Variants in FNIP2 observed in about 807,000 individuals in gnomAD.
FNIP2 encodes folliculin-interacting protein 2.
Under a neutral mutation model 108.7 loss-of-function variants are expected in FNIP2, and 32 were observed. The observed-to-expected ratio is 0.29, with a 90% confidence interval of 0.22 to 0.40. FNIP2 has a LOEUF of 0.40. FNIP2 is among the 10% of genes least tolerant of loss of function. The probability of loss-of-function intolerance (pLI) is 1.00; values close to 1 mark genes in which losing one functional copy is unlikely to be tolerated. For synonymous variants in FNIP2, 480 were observed against 496.7 expected (o/e 0.97, Z 0.45); for missense variants, 1,202 against 1,381.6 (o/e 0.87, Z 2.06).
intron 14 of FNIP2, among the ~76,000 whole-genome samples, chr4:158,879,358 G>C (rs1781458348): frequency 6.6e-6 from 1 of 150,654 alleles, no homozygotes; most frequent in South Asian, 2.1e-4. Flanking sequence ...GGCAGCAGGA[G>C]GCCAGGGTGC....
chr4:158,805,980 A>G (rs1291988476), intron 1 of FNIP2: 2 of 319,950 alleles, frequency 6.3e-6, no homozygotes, highest in Non-Finnish European at 1.0e-5. Flanking sequence ...AATGTGATAG[A>G]TGGATCTGAC....
chr4:158,780,575 C>T (rs1776009018), intron 1 of FNIP2, among the ~76,000 whole-genome samples: 1 of 152,184 alleles, frequency 6.6e-6, no homozygotes, highest in Non-Finnish European at 1.5e-5. Context: ...TGGATGAACA[C>T]TTGAGGCTTG....
intron 1 of FNIP2, among the ~76,000 whole-genome samples, chr4:158,772,182 A>G (rs1442393502): frequency 3.9e-5 from 6 of 152,242 alleles, no homozygotes; most frequent in Non-Finnish European, 1.5e-5. Flanking sequence ...CAGGAATGCT[A>G]TATGATTATG....
At chr4:158,872,552 C>T in intron 14 of FNIP2, 1 of 985,356 alleles carries the variant, frequency 1.0e-6, no homozygotes, top group African/African-American at 1.7e-5. Context: ...AAAGTGCAGC[C>T]ATGCGTGGGT....
At chr4:158,773,104 GA>G (rs2126399464) in intron 1 of FNIP2, among the ~76,000 whole-genome samples, 1 of 151,956 alleles carries the variant, frequency 6.6e-6, no homozygotes, top group East Asian at 1.9e-4. Flanking sequence ...TAATATTTTG[GA>G]AAAAAACAGT....
intron 16 of FNIP2, 53 bp downstream of exon 16, chr4:158,895,918 T>C: frequency 7.6e-7 from 1 of 1,307,430 alleles, no homozygotes; most frequent in South Asian, 1.2e-5. Flanking sequence ...TCCCTAGCAT[T>C]GTACCCACTA....
intron 14 of FNIP2, among the ~76,000 whole-genome samples, chr4:158,887,936 C>G (rs1782105234): frequency 6.6e-6 from 1 of 152,078 alleles, no homozygotes; most frequent in Non-Finnish European, 1.5e-5. Flanking sequence ...GGTTGAGTTT[C>G]CTTTGGAAAG....
intron 13 of FNIP2, among the ~76,000 whole-genome samples, chr4:158,869,816 T>C (rs750226935): frequency 4.6e-5 from 7 of 152,242 alleles, no homozygotes; most frequent in Non-Finnish European, 7.3e-5. Context: ...ACACTCGCCG[T>C]GTGGCCTCTC....
Position 158,879,786 on chromosome 4 carries a change from A to G in FNIP2, c.2949+9317A>G, listed in dbSNP as rs919657784. Among the ~76,000 whole-genome samples, 8 of 150,506 alleles carry G rather than the reference A, an allele frequency of 5.3e-5. 1 individual carries two copies. Among genetic ancestry groups the G allele is most frequent in the Non-Finnish European group, 1.0e-4 (7 of 67,850 alleles). On this transcript the variant is annotated intron_variant, in intron 14 of 16. Transcript: ENST00000264433. ...CCCCATCAAAAAGTGGGCAAAGGATATGAACAGACACTTCACAAAAGAAGA... is the reference window on the plus strand; with the variant it reads ...CCCCATCAAAAAGTGGGCAAAGGATGTGAACAGACACTTCACAAAAGAAGA...
intron 14 of FNIP2, among the ~76,000 whole-genome samples, chr4:158,884,756 C>T (rs1781924756): frequency 6.6e-6 from 1 of 152,152 alleles, no homozygotes; most frequent in Non-Finnish European, 1.5e-5. Flanking sequence ...AACTTACAAT[C>T]ATGGCGGAAG....
intron 7 of FNIP2, among the ~76,000 whole-genome samples, chr4:158,838,990 G>T (rs1778967568): frequency 6.6e-6 from 1 of 151,356 alleles, no homozygotes; most frequent in South Asian, 2.1e-4. Context: ...GATCATAGAA[G>T]TAAAGTGCCA....
At chr4:158,889,876 A>G (rs1420932905) in intron 14 of FNIP2, 2 of 985,202 alleles carry the variant, frequency 2.0e-6, no homozygotes, top group African/African-American at 3.5e-5. Flanking sequence ...TAAATTTATA[A>G]CACAGGATGA....
At chr4:158,830,740 A>G (rs1778436629) in intron 3 of FNIP2, among the ~76,000 whole-genome samples, 1 of 152,226 alleles carries the variant, frequency 6.6e-6, no homozygotes, top group Admixed American at 6.5e-5. Flanking sequence ...AAGCACACTG[A>G]CAGAGAATAT....
In FNIP2 at chr4:158,839,077, G is replaced by A. The variant is rs529361113; in HGVS notation, c.727+3601G>A. Reference sequence around the variant, plus strand: ...TAATATTGGCCTTGATTACCTGGCTGAGGAAGTGTTTGTCAGTTTCTCCAC... The same window carrying A: ...TAATATTGGCCTTGATTACCTGGCTAAGGAAGTGTTTGTCAGTTTCTCCAC... On this transcript the variant is annotated intron_variant, in intron 7 of 16. Coordinates refer to ENST00000264433, the MANE Select transcript of FNIP2 (RefSeq NM_020840.3). Among the ~76,000 whole-genome samples, 9 of 152,298 alleles carry A rather than the reference G, an allele frequency of 5.9e-5. No individual in the cohort carries two copies. The South Asian group carries it at 1.9e-3, about 32-fold the overall frequency.
intron 3 of FNIP2, among the ~76,000 whole-genome samples, chr4:158,830,242 A>ATCTT: frequency 7.5e-6 from 1 of 133,090 alleles, no homozygotes; most frequent in African/African-American, 2.8e-5. Context: ...TGATAGATTT[A>ATCTT]TCTTTCTTTT....
chr4:158,872,699 G>A (rs866324809), intron 14 of FNIP2: 4 of 978,080 alleles, frequency 4.1e-6, no homozygotes, highest in Middle Eastern at 5.3e-4. Context: ...TTGAAGTAGT[G>A]TTCTGTTTAA....
chr4:158,832,240 A>C (rs1421455014), intron 5 of FNIP2, 102 bp downstream of exon 5: 2 of 887,864 alleles, frequency 2.3e-6, no homozygotes, highest in Non-Finnish European at 3.5e-6. Flanking sequence ...AATGACAAGC[A>C]GAATGAGTCC....
At chr4:158,779,778 T>C (rs185606460) in intron 1 of FNIP2, among the ~76,000 whole-genome samples, 242 of 148,952 alleles carry the variant, frequency 1.6e-3, no homozygotes, top group African/African-American at 5.6e-3. Context: ...GGGGGTGGTC[T>C]CACTGTGTTG....
intron 16 of FNIP2, 27 bp downstream of exon 16, chr4:158,895,892 G>C (rs768503956): frequency 6.6e-7 from 1 of 1,515,244 alleles, no homozygotes; most frequent in African/African-American, 1.4e-5. Flanking sequence ...GCCGTCACTT[G>C]TCCCTTTGAT....
Sources: allele counts gnomAD v4.1 joint callset (sites outside exome capture counted in the v4.1 genomes callset), GRCh38; gene constraint gnomAD v4.1.1; transcripts MANE v1.5; gene names NCBI Gene and HGNC (gene_info 2026-07-23, HGNC 2026-07-21).